The following SAG variants were observed in gnomAD, a reference collection of about 807,000 sequenced individuals.
SAG encodes the protein S-arrestin.
Under a neutral mutation model 55.0 loss-of-function variants are expected in SAG, and 45 were observed. The ratio of observed to expected loss-of-function variants is 0.82; its 90% CI spans 0.64 to 1.05. SAG has a LOEUF of 1.05. SAG is among the 50% of genes least tolerant of loss of function. SAG has a pLI of 0.00. For synonymous variants in SAG, 189 were observed against 197.4 expected, an observed-to-expected ratio of 0.96 and a Z score of 0.36; for missense variants, 455 against 512.1, an observed-to-expected ratio of 0.89 and a Z score of 1.08.
intron 4 of SAG, among the ~76,000 whole-genome samples, chr2:233,320,338 C>A (rs911632848): frequency 6.6e-6 from 1 of 152,168 alleles, no homozygotes; most frequent in African/African-American, 2.4e-5. Flanking sequence ...ATGAAGGGGG[C>A]GGGCAGGATG....
At chr2:233,320,481 G>A (rs1430077510) in intron 4 of SAG, 149 bp from the exon 5 acceptor site, 1 of 583,096 alleles carries the variant, frequency 1.7e-6, no homozygotes, top group Non-Finnish European at 2.9e-6. Context: ...GTGGTGTGGA[G>A]TAGCTGGGTG....
In SAG at chr2:233,334,937, A is replaced by G. The variant is rs73995908; in HGVS notation, c.807-25A>G. The G allele has an allele frequency of 8.3e-3, 13,437 of 1,613,114 alleles. 901 individuals carry two copies. In the African/African-American group the frequency reaches 0.15, roughly 18 times the overall value. On this transcript the variant is annotated intron_variant, in intron 10 of 15. Coordinates refer to ENST00000409110, the MANE Select transcript of SAG (RefSeq NM_000541.5). ...TCCATGGCAGCTTTGATGGTTATAAATCTCCTCTGTTCTTCTTCCTCTAGA... is the reference window on the plus strand; with the variant it reads ...TCCATGGCAGCTTTGATGGTTATAAGTCTCCTCTGTTCTTCTTCCTCTAGA...
At chr2:233,320,277 A>T (rs1403115406) in intron 4 of SAG, among the ~76,000 whole-genome samples, 1 of 152,100 alleles carries the variant, frequency 6.6e-6, no homozygotes, top group Non-Finnish European at 1.5e-5. Context: ...GCCCTCTAGA[A>T]CCTGAGCAGC....
At chr2:233,309,327 C>A in intron 2 of SAG, 63 bp downstream of exon 2, 1 of 1,421,694 alleles carries the variant, frequency 7.0e-7, no homozygotes, top group South Asian at 1.2e-5. Flanking sequence ...GGAGCTTTTT[C>A]AAGTACAGTG....
intron 2 of SAG, 71 bp downstream of exon 2, chr2:233,309,335 G>T: frequency 7.4e-7 from 1 of 1,349,838 alleles, no homozygotes; most frequent in Non-Finnish European, 1.0e-6. Context: ...TTCAAGTACA[G>T]TGTAGTCATG....
chr2:233,315,599 GA>G (rs1385806862), intron 2 of SAG, among the ~76,000 whole-genome samples: 1 of 151,172 alleles, frequency 6.6e-6, no homozygotes, highest in Non-Finnish European at 1.5e-5. Flanking sequence ...AGCCTGTCCA[GA>G]AGTTCTTGTG....
intron 10 of SAG, 198 bp downstream of exon 10, chr2:233,331,910 C>G (rs943725188): frequency 1.7e-6 from 1 of 594,366 alleles, no homozygotes; most frequent in African/African-American, 1.9e-5. Flanking sequence ...CTGTGCCCAT[C>G]TTACAGGAGT....
intron 2 of SAG, among the ~76,000 whole-genome samples, chr2:233,311,401 C>T (rs1162412378): frequency 1.3e-5 from 2 of 152,150 alleles, no homozygotes; most frequent in Admixed American, 6.5e-5. Flanking sequence ...ACTCTTCTCT[C>T]ATATCTCATT....
At position 233,319,726 on chromosome 2, in the gene SAG, C is replaced by T. The variant is rs1239885945; in HGVS notation, c.182-904C>T. Reference sequence around the variant, plus strand: ...GCCCAAGTCCTTGACCAGAGAAGGGCGCCTGTTCTCAGGGAAAGCCACTGC... The same window carrying T: ...GCCCAAGTCCTTGACCAGAGAAGGGTGCCTGTTCTCAGGGAAAGCCACTGC... On this transcript the variant is annotated intron_variant, in intron 4 of 15. Coordinates refer to ENST00000409110, the MANE Select transcript of SAG (RefSeq NM_000541.5). This position sits in a 1 kb window ranked among gnomAD's most constrained non-coding sequence, Gnocchi z 4.4. 3.7e-5 allele frequency: 36 copies of T among 985,500 alleles called. No homozygotes were observed. The highest frequency in any genetic ancestry group is 4.1e-5 in the Non-Finnish European group (34 of 830,076). 61.0% of individuals were successfully genotyped at this position (985,500 alleles called of 1,614,324 possible).
Position 233,340,360 on chromosome 2 carries a change from C to A in SAG, c.1023-95C>A. 1.9e-6 allele frequency: 2 copies of A among 1,041,440 alleles called. No individual in the cohort carries two copies. The highest frequency in any genetic ancestry group is 1.6e-5 in the African/African-American group (1 of 63,862). The allele number at this position is 1,041,440 out of a possible 1,614,324, so 64.5% of individuals were successfully genotyped here. On this transcript the variant is annotated intron_variant, in intron 12 of 15. Coordinates refer to ENST00000409110, the MANE Select transcript of SAG (RefSeq NM_000541.5). This position sits in a 1 kb window ranked among gnomAD's most constrained non-coding sequence, Gnocchi z 4.2. ...ATGTTGTGAGTTCGGGTGCAAGGGCCATGAGAGCTGGGCTGTGTCCTGCCT... is the reference window on the plus strand; with the variant it reads ...ATGTTGTGAGTTCGGGTGCAAGGGCAATGAGAGCTGGGCTGTGTCCTGCCT...
chr2:233,337,908 A>G (rs1032967443), intron 11 of SAG, among the ~76,000 whole-genome samples: 61 of 152,342 alleles, frequency 4.0e-4, no homozygotes, highest in Middle Eastern at 3.4e-3. Flanking sequence ...TGCCCGGCAC[A>G]GTGCCTGCCA....
Position 233,340,352 on chromosome 2 carries a change from G to T in SAG, c.1023-103G>T. 2 of 929,232 alleles carry T rather than the reference G, an allele frequency of 2.2e-6. No homozygotes were observed. Among genetic ancestry groups the T allele is most frequent in the Non-Finnish European group, 3.5e-6 (2 of 579,406 alleles). The allele number at this position is 929,232 out of a possible 1,614,324, so 57.6% of individuals were successfully genotyped here. A position where few individuals can be genotyped will look rare whatever the true frequency, so the allele number is the denominator to read the frequency against. ...GACCCTGGATGTTGTGAGTTCGGGT[G>T]CAAGGGCCATGAGAGCTGGGCTGTG... On this transcript the variant is annotated intron_variant, in intron 12 of 15. Transcript: ENST00000409110. This position sits in a 1 kb window ranked among gnomAD's most constrained non-coding sequence, Gnocchi z 4.2.
intron 2 of SAG, among the ~76,000 whole-genome samples, chr2:233,315,710 T>C (rs1447954866): frequency 2.0e-5 from 3 of 151,072 alleles, no homozygotes; most frequent in Admixed American, 6.6e-5. Context: ...TTCTTTCTTT[T>C]TTTTTTTTTT....
intron 14 of SAG, chr2:233,343,603 G>T (rs1399912909): frequency 5.8e-6 from 6 of 1,034,224 alleles, no homozygotes; most frequent in African/African-American, 1.7e-5. Flanking sequence ...ATATGAATTT[G>T]ATCTCAATCA....
intron 13 of SAG, among the ~76,000 whole-genome samples, 191 bp from the exon 14 acceptor site, chr2:233,342,080 C>T (rs575876926): frequency 1.1e-4 from 16 of 150,806 alleles, no homozygotes; most frequent in Non-Finnish European, 2.1e-4. Flanking sequence ...GCCGAGATTG[C>T]GCCACTGCAC....
Position 233,340,883 on chromosome 2 carries a change from G to A in SAG, c.1046+405G>A, listed in dbSNP as rs1053499912. Among the ~76,000 whole-genome samples, 36 of 151,712 alleles carry A rather than the reference G, an allele frequency of 2.4e-4. No individual in the cohort carries two copies. Among genetic ancestry groups the A allele is most frequent in the African/African-American group, 8.7e-4 (36 of 41,362 alleles). ...GCCTGGAGTGCAGTGACGTGATCTC[G>A]GCTCACCGTGACCTCCACTTCCTGG... On this transcript the variant is annotated intron_variant, in intron 13 of 15. Coordinates refer to ENST00000409110, the MANE Select transcript of SAG (RefSeq NM_000541.5). The surrounding 1 kb of genome is among the most constrained non-coding windows in gnomAD (Gnocchi z 4.2).
chr2:233,345,111 C>T (rs1188815576), intron 14 of SAG: 1 of 152,172 alleles, frequency 6.6e-6, no homozygotes, highest in African/African-American at 2.4e-5. Flanking sequence ...AGGGGCTCAC[C>T]ATCAAATCGC....
chr2:233,346,325 C>T (rs991743540), intron 14 of SAG, 78 bp from the exon 15 acceptor site: 3 of 1,474,018 alleles, frequency 2.0e-6, no homozygotes, highest in Non-Finnish European at 1.9e-6. Context: ...TTTCTAGGTA[C>T]AGCTATGATA....
intron 6 of SAG, among the ~76,000 whole-genome samples, chr2:233,323,890 T>A (rs1346976043): frequency 6.6e-6 from 1 of 151,778 alleles, no homozygotes; most frequent in African/African-American, 2.4e-5. Context: ...GCATGCCAGG[T>A]GGCCACAGAT....
Sources: gnomAD v4.1 joint callset for allele counts (sites outside exome capture counted in the v4.1 genomes callset) on GRCh38, gnomAD v4.1.1 for gene constraint, Gnocchi (gnomAD v3.1) non-coding constraint, MANE v1.5 for transcripts, NCBI Gene and HGNC (gene_info 2026-07-23, HGNC 2026-07-21) for gene names.